Variants in RSPO4 observed in about 807,000 individuals in gnomAD.
RSPO4 encodes R-spondin 4.
A neutral mutation model predicts 24.8 loss-of-function variants in RSPO4; 23 were observed. That is an observed-to-expected ratio of 0.93 (90% CI 0.67 to 1.31). The LOEUF (loss-of-function observed/expected upper bound fraction) is 1.31, where lower values mean the gene tolerates loss of function less well. RSPO4 is among the 40% of genes most tolerant of loss of function. The pLI is 0.00. For missense variants in RSPO4, 333 were observed against 316.5 expected (o/e 1.05, Z -0.39); for synonymous variants, 141 against 127.4 (o/e 1.11, Z -0.72).
rs1376863941 is a variant in RSPO4, at chr20:968,068, G to C, written c.150C>G (p.Cys50Trp). The C allele has an allele frequency of 6.2e-7, 1 of 1,614,096 alleles. No individual in the cohort carries two copies. The highest frequency in any genetic ancestry group is 8.5e-7 in the Non-Finnish European group (1 of 1,180,048). ...ICSEENGCST[C>W]QQRLFLFIRR... The stretch of plus-strand genomic sequence containing the variant: ...GGATGAACAGGAAGAGCCTCTGCTG[G>C]CAGGTGGAACAGCCGTTCTCCTCTG... Residue 50 changes from cysteine (C) to tryptophan (W), a missense_variant, in exon 2 of 5, where the codon TGC becomes TGG. Physicochemically the swap from Cys to Trp is radical, Grantham distance 215 (BLOSUM62 -2). Transcript: ENST00000217260.
Position 960,231 on chromosome 20 carries a change from G to C in RSPO4, c.*126C>G, listed in dbSNP as rs1011079662. On this transcript the variant is annotated 3_prime_UTR_variant, in exon 5 of 5. Coordinates refer to ENST00000217260, the MANE Select transcript of RSPO4 (RefSeq NM_001029871.4). ...TAGACTGACAGAAAAATGATAGAAGGGTGGAAAGAAAGAGAGGACAAATGG... is the reference window on the plus strand; with the variant it reads ...TAGACTGACAGAAAAATGATAGAAGCGTGGAAAGAAAGAGAGGACAAATGG... 2 of 661,242 alleles carry C rather than the reference G, an allele frequency of 3.0e-6. No homozygotes were observed. Among genetic ancestry groups the C allele is most frequent in the Non-Finnish European group, 5.4e-6 (2 of 371,520 alleles). The allele number at this position is 661,242 out of a possible 1,614,324, so 41.0% of individuals were successfully genotyped here.
At chr20:976,497 C>T (rs958773975) in intron 1 of RSPO4, among the ~76,000 whole-genome samples, 3 of 152,190 alleles carry the variant, frequency 2.0e-5, no homozygotes, top group African/African-American at 7.2e-5. Flanking sequence ...GGTTCACCCA[C>T]ATCCTGAGAA....
At chr20:980,998 G>C (rs910584411) in intron 1 of RSPO4, among the ~76,000 whole-genome samples, 4 of 152,128 alleles carry the variant, frequency 2.6e-5, no homozygotes, top group Non-Finnish European at 5.9e-5. Context: ...TCTGGAATGG[G>C]GCCAGAGGTG....
intron 1 of RSPO4, among the ~76,000 whole-genome samples, chr20:988,314 C>T (rs1001383523): frequency 1.3e-5 from 2 of 152,126 alleles, no homozygotes; most frequent in African/African-American, 4.8e-5. Flanking sequence ...TTGAAAGCTT[C>T]TCTGGTGCTG....
At chr20:960,506 G>A (rs369323347) in intron 4 of RSPO4, 40 bp from the exon 5 acceptor site, 11 of 1,436,574 alleles carry the variant, frequency 7.7e-6, no homozygotes, top group South Asian at 1.2e-5. Context: ...AAGGCTGCAG[G>A]GCCAGTTAGG....
chr20:991,660 A>G (rs1298444932), intron 1 of RSPO4, among the ~76,000 whole-genome samples: 2 of 152,212 alleles, frequency 1.3e-5, no homozygotes. Flanking sequence ...ATTAAGTAAC[A>G]AAATAAAAAT....
rs1197904454 is a variant in RSPO4, at chr20:968,106, A to G, written c.112T>C (p.Cys38Arg). The G allele has an allele frequency of 2.0e-5, 32 of 1,614,078 alleles. No individual in the cohort carries two copies. Among genetic ancestry groups the G allele is most frequent in the Non-Finnish European group, 2.7e-5 (32 of 1,180,042 alleles). Reference sequence around the variant, plus strand: ...CCGTTCTCCTCTGAGCAGATGATACAGCCTGTGCAGTTGCCCCCCAGGCCA... The same window carrying G: ...CCGTTCTCCTCTGAGCAGATGATACGGCCTGTGCAGTTGCCCCCCAGGCCA... ...GTGLGGNCTG[C>R]IICSEENGCS... Residue 38 changes from cysteine to arginine, a missense_variant, in exon 2 of 5, where the codon TGT becomes CGT. Physicochemically the swap from Cys to Arg is radical, Grantham distance 180. Transcript: ENST00000217260.
At chr20:999,454 T>C (rs1985396605) in intron 1 of RSPO4, among the ~76,000 whole-genome samples, 1 of 152,180 alleles carries the variant, frequency 6.6e-6, no homozygotes, top group African/African-American at 2.4e-5. Flanking sequence ...AGGGTTTATC[T>C]AGCTCTGGTC....
rs974256556 is a variant in RSPO4 at position 960,334 on chromosome 20, C to T, written c.*23G>A. On this transcript the variant is annotated 3_prime_UTR_variant, in exon 5 of 5. Coordinates refer to ENST00000217260, the MANE Select transcript of RSPO4 (RefSeq NM_001029871.4). The stretch of plus-strand genomic sequence containing the variant: ...GTGTGCAGGGGCCGAGGACTAGGAC[C>T]AGAGAGTCGGGAGAGCCGGCGGTCA... 34 of 1,504,184 alleles carry T rather than the reference C, an allele frequency of 2.3e-5. No homozygotes were observed. In the African/African-American group the frequency reaches 4.1e-4, roughly 18 times the overall value. 93.2% of individuals were successfully genotyped at this position (1,504,184 alleles called of 1,614,324 possible). A position where few individuals can be genotyped will look rare whatever the true frequency, so the allele number is the denominator to read the frequency against.
intron 1 of RSPO4, among the ~76,000 whole-genome samples, chr20:998,834 G>A (rs1985375771): frequency 6.6e-6 from 1 of 152,156 alleles, no homozygotes; most frequent in African/African-American, 2.4e-5. Context: ...ATACCCAGGT[G>A]TTTTCAGGAC....
intron 1 of RSPO4, among the ~76,000 whole-genome samples, chr20:992,941 G>C (rs1841325781): frequency 6.6e-6 from 1 of 152,220 alleles, no homozygotes; most frequent in Non-Finnish European, 1.5e-5. Context: ...CTTCGTGACA[G>C]CCTGCCAAGC....
intron 1 of RSPO4, 76 bp from the exon 2 acceptor site, chr20:968,214 A>G: frequency 1.4e-6 from 2 of 1,389,074 alleles, no homozygotes. Context: ...AGCAGCTGAG[A>G]TGGTCTCATT....
chr20:978,608 C>T (rs1253159391), intron 1 of RSPO4, among the ~76,000 whole-genome samples: 2 of 152,132 alleles, frequency 1.3e-5, no homozygotes, highest in Non-Finnish European at 2.9e-5. Flanking sequence ...TTTGGGAGGA[C>T]CAGGCCCATA....
At chr20:980,071 G>A (rs775722140) in intron 1 of RSPO4, among the ~76,000 whole-genome samples, 11 of 152,130 alleles carry the variant, frequency 7.2e-5, no homozygotes, top group Non-Finnish European at 1.0e-4. Context: ...TTACCATTCC[G>A]CATAGAGGGG....
chr20:967,984 GA>G lies in RSPO4; in HGVS notation c.233del (p.Phe78SerfsTer148). The G allele has an allele frequency of 6.2e-7, 1 of 1,614,244 alleles. No homozygotes were observed. The highest frequency in any genetic ancestry group is 2.2e-5 in the East Asian group (1 of 44,886). ...KCLHDCPPGY[F>X]GIRGQEVNRC... ...TGTTGACCTCCTGGCCGCGGATGCCGAAGTACCCAGGGGGACAGTCGTGCAG... is the reference window on the plus strand; with the variant it reads ...TGTTGACCTCCTGGCCGCGGATGCCGAGTACCCAGGGGGACAGTCGTGCAG... On this transcript the variant is annotated frameshift_variant, in exon 2 of 5. Transcript: ENST00000217260. LOFTEE classifies it high-confidence loss of function.
intron 1 of RSPO4, among the ~76,000 whole-genome samples, chr20:991,068 G>C (rs1484614947): frequency 6.6e-6 from 1 of 152,232 alleles, no homozygotes; most frequent in Non-Finnish European, 1.5e-5. Context: ...GTCCAATGTT[G>C]AGGAGTAGCA....
At chr20:980,909 G>A (rs1984715746) in intron 1 of RSPO4, among the ~76,000 whole-genome samples, 2 of 152,166 alleles carry the variant, frequency 1.3e-5, no homozygotes, top group African/African-American at 2.4e-5. Context: ...ATCAGCCAGG[G>A]CTTCCCAAAC....
chr20:971,948 G>A (rs915685242), intron 1 of RSPO4, among the ~76,000 whole-genome samples: 1 of 152,176 alleles, frequency 6.6e-6, no homozygotes, highest in African/African-American at 2.4e-5. Context: ...TCTTGAGCAG[G>A]GGAAGGTGAC....
rs541638945 is a variant in RSPO4 at position 970,326 on chromosome 20, C to A, written c.80-2188G>T. Among the ~76,000 whole-genome samples, 27 of 152,236 alleles carry A rather than the reference C, an allele frequency of 1.8e-4. No individual in the cohort carries two copies. The highest frequency in any genetic ancestry group is 4.3e-4 in the African/African-American group (18 of 41,540). ...CTCTCGGATGAGTACTGCTACTTCC[C>A]CAGTCCTCACCTTCTGTTCCTTAGA... On this transcript the variant is annotated intron_variant, in intron 1 of 4. Coordinates refer to ENST00000217260, the MANE Select transcript of RSPO4 (RefSeq NM_001029871.4). The surrounding 1 kb of genome is among the most constrained non-coding windows in gnomAD (Gnocchi z 4.1).
Sources: gnomAD v4.1 joint callset for allele counts (sites outside exome capture counted in the v4.1 genomes callset) on GRCh38, gnomAD v4.1.1 for gene constraint, Gnocchi (gnomAD v3.1) non-coding constraint, MANE v1.5 for transcripts, NCBI Gene and HGNC (gene_info 2026-07-23, HGNC 2026-07-21) for gene names.